MYOCOS: variants seen among roughly 807,000 people sequenced by gnomAD.
MYOCOS encodes myocilin opposite strand.
intron 1 of MYOCOS, among the ~76,000 whole-genome samples, chr1:171,608,395 C>A (rs367720394): frequency 6.8e-6 from 1 of 146,072 alleles, no homozygotes. Context: ...GGCCTTGAGT[C>A]CAGGGAACCA....
At chr1:171,626,347 G>T in intron 2 of MYOCOS, 107 bp from the exon 3 acceptor site, 2 of 392,512 alleles carry the variant, frequency 5.1e-6, no homozygotes, top group Non-Finnish European at 9.0e-6. Context: ...CTCCCAAAGT[G>T]CTGGGATTAC....
chr1:171,603,962 T>C (rs1332781216), intron 1 of MYOCOS, among the ~76,000 whole-genome samples: 1 of 152,246 alleles, frequency 6.6e-6, no homozygotes, highest in African/African-American at 2.4e-5. Flanking sequence ...CTAGACTAAC[T>C]AGATACCAAA....
chr1:171,608,519 A>G (rs1307734778), intron 1 of MYOCOS, among the ~76,000 whole-genome samples: 2 of 140,742 alleles, frequency 1.4e-5, no homozygotes, highest in African/African-American at 5.4e-5. Context: ...CCGAGTTCAC[A>G]CCATTCTCCA....
chr1:171,620,765 TTTTC>T (rs1652547727), upstream of MYOCOS, among the ~76,000 whole-genome samples: 1 of 128,654 alleles, frequency 7.8e-6, no homozygotes, highest in African/African-American at 3.1e-5. Context: ...ATTTCTTTCT[TTTTC>T]TTTCTTTTTT....
At chr1:171,606,637 AT>A (rs1431799805) in intron 1 of MYOCOS, among the ~76,000 whole-genome samples, 2 of 152,212 alleles carry the variant, frequency 1.3e-5, no homozygotes, top group African/African-American at 2.4e-5. Context: ...TATCCCCTAG[AT>A]TGCTCAATCA....
chr1:171,625,757 C>T (rs139645046), intron 2 of MYOCOS, among the ~76,000 whole-genome samples: 112 of 152,272 alleles, frequency 7.4e-4, no homozygotes, highest in African/African-American at 2.4e-3. Flanking sequence ...GCAAATGAAA[C>T]GTTTAGACAC....
intron 1 of MYOCOS, among the ~76,000 whole-genome samples, chr1:171,608,254 A>G (rs1039750568): frequency 6.6e-6 from 1 of 152,126 alleles, no homozygotes; most frequent in Non-Finnish European, 1.5e-5. Flanking sequence ...CCTGCCCTTG[A>G]GATCAAACCA....
chr1:171,604,792 T>C (rs773588099), intron 1 of MYOCOS, among the ~76,000 whole-genome samples: 1 of 152,226 alleles, frequency 6.6e-6, no homozygotes, highest in African/African-American at 2.4e-5. Context: ...TTGTGTCATT[T>C]AGGCTACTTA....
At chr1:171,621,369 G>T (rs114279399), upstream of MYOCOS, among the ~76,000 whole-genome samples, 22,594 of 137,930 alleles carry the variant, frequency 0.16, 2,069 homozygotes, top group Middle Eastern at 0.33. Context: ...TTTCTTCTAT[G>T]GTGGGTTTTT....
At chr1:171,602,899 A>G (rs1409326169) in intron 1 of MYOCOS, among the ~76,000 whole-genome samples, 1 of 152,240 alleles carries the variant, frequency 6.6e-6, no homozygotes, top group African/African-American at 2.4e-5. Flanking sequence ...CAAGATGCAA[A>G]TGCCTGGTTG....
At chr1:171,618,631 A>G (rs1473683299), upstream of MYOCOS, among the ~76,000 whole-genome samples, 3 of 152,130 alleles carry the variant, frequency 2.0e-5, no homozygotes, top group African/African-American at 7.2e-5. Flanking sequence ...GCTGGAGTGC[A>G]GTGGCATGAT....
chr1:171,621,532 C>A (rs908505529), upstream of MYOCOS, among the ~76,000 whole-genome samples: 15 of 152,064 alleles, frequency 9.9e-5, no homozygotes, highest in African/African-American at 3.6e-4. Flanking sequence ...CCCGCCACCA[C>A]GCCTGGCTAA....
At chr1:171,601,250 C>T (rs778950433) in intron 1 of MYOCOS, among the ~76,000 whole-genome samples, 5 of 152,230 alleles carry the variant, frequency 3.3e-5, no homozygotes, top group African/African-American at 7.2e-5. Flanking sequence ...TGAGTGGAAG[C>T]GTGGCCTGAT....
At chr1:171,617,400 G>A (rs1229795054), upstream of MYOCOS, among the ~76,000 whole-genome samples, 6 of 152,100 alleles carry the variant, frequency 3.9e-5, no homozygotes, top group Non-Finnish European at 8.8e-5. Context: ...AGGCTTGGAT[G>A]CTCTGCTGTT....
At chr1:171,605,231 C>T (rs1193314134) in intron 1 of MYOCOS, among the ~76,000 whole-genome samples, 4 of 151,954 alleles carry the variant, frequency 2.6e-5, no homozygotes, top group East Asian at 3.9e-4. Flanking sequence ...GATGAATTCC[C>T]GGCCCAAAAG....
rs1391070984 is a variant in MYOCOS, at chr1:171,615,934, G to T, written c.-44+929G>T. On this transcript the variant is annotated intron_variant, in intron 2 of 3. Coordinates refer to the MYOCOS transcript ENST00000636697. ...ATGGGGTTGCCATTAACAGAAATGA[G>T]GGGCCAGGCACAGTAGCTCATGCCT... 3.3e-5 allele frequency among the ~76,000 whole-genome samples: 5 copies of T among 151,238 alleles called. No homozygotes were observed. In the East Asian group the frequency reaches 9.7e-4, roughly 29 times the overall value.
At chr1:171,610,574 AAGAGAG>A (rs370888805) in intron 1 of MYOCOS, among the ~76,000 whole-genome samples, 1 of 150,422 alleles carries the variant, frequency 6.6e-6, no homozygotes, top group Non-Finnish European at 1.5e-5. Context: ...GAGAAAGAGG[AAGAGAG>A]AGAGAGAGAG....
intron 1 of MYOCOS, among the ~76,000 whole-genome samples, chr1:171,602,620 C>T (rs1322898296): frequency 1.3e-5 from 2 of 151,946 alleles, no homozygotes; most frequent in Non-Finnish European, 2.9e-5. Flanking sequence ...AAAATCTTAC[C>T]TTATGGTCAA....
At chr1:171,603,151 C>T (rs1317083068) in intron 1 of MYOCOS, among the ~76,000 whole-genome samples, 1 of 152,220 alleles carries the variant, frequency 6.6e-6, no homozygotes, top group Admixed American at 6.5e-5. Context: ...CAGCTTCCGT[C>T]TCCCAACACT....
Sources: allele counts gnomAD v4.1 joint callset (sites outside exome capture counted in the v4.1 genomes callset), GRCh38; gene constraint gnomAD v4.1.1; transcripts MANE v1.5; gene names NCBI Gene and HGNC (gene_info 2026-07-23, HGNC 2026-07-21).